TAFA1: variants seen among roughly 807,000 people sequenced by gnomAD.
TAFA1 encodes chemokine-like protein TAFA-1.
In TAFA1, 4 loss-of-function variants were observed where a neutral mutation model predicts 18.5. That is an observed-to-expected ratio of 0.22 (90% CI 0.11 to 0.49). The LOEUF is 0.49. TAFA1 is among the 20% of genes least tolerant of loss of function. The probability of loss-of-function intolerance (pLI) is 0.98; values close to 1 mark genes in which losing one functional copy is unlikely to be tolerated. For synonymous variants in TAFA1, 56 were observed against 55.2 expected, an observed-to-expected ratio of 1.01 and a Z score of -0.06; for missense variants, 147 against 169.0, an observed-to-expected ratio of 0.87 and a Z score of 0.72.
chr3:68,496,019 A>G (rs1343850743), intron 3 of TAFA1, among the ~76,000 whole-genome samples: 1 of 149,078 alleles, frequency 6.7e-6, no homozygotes, highest in East Asian at 2.0e-4. Context: ...AAAAAAAAAA[A>G]AAAAAAAAGA....
chr3:68,134,158 T>G (rs1292547333), intron 2 of TAFA1, among the ~76,000 whole-genome samples: 1 of 151,226 alleles, frequency 6.6e-6, no homozygotes, highest in Admixed American at 6.6e-5. Flanking sequence ...GAATGGCCTG[T>G]GCAAAAGGGA....
intron 2 of TAFA1, among the ~76,000 whole-genome samples, chr3:68,155,958 G>A (rs918770892): frequency 6.6e-6 from 1 of 152,066 alleles, no homozygotes; most frequent in African/African-American, 2.4e-5. Flanking sequence ...CACAACAGCG[G>A]TTGCAGGCAG....
intron 2 of TAFA1, among the ~76,000 whole-genome samples, chr3:68,110,612 C>A (rs963447471): frequency 9.9e-5 from 15 of 151,940 alleles, no homozygotes; most frequent in African/African-American, 3.6e-4. Context: ...GGGTGGAAAC[C>A]AGGAGGCAAG....
intron 2 of TAFA1, among the ~76,000 whole-genome samples, chr3:68,283,657 T>C (rs2067942899): frequency 6.6e-6 from 1 of 152,194 alleles, no homozygotes; most frequent in Non-Finnish European, 1.5e-5. Context: ...AAATTATATC[T>C]ACACAAAAGG....
chr3:68,069,528 A>G (rs1045990216), intron 2 of TAFA1, among the ~76,000 whole-genome samples: 1 of 152,128 alleles, frequency 6.6e-6, no homozygotes, highest in African/African-American at 2.4e-5. Context: ...AAACCGTATC[A>G]TTCCACCCCT....
chr3:68,278,538 T>C (rs2107250503), intron 2 of TAFA1, among the ~76,000 whole-genome samples: 1 of 152,276 alleles, frequency 6.6e-6, no homozygotes, highest in African/African-American at 2.4e-5. Context: ...CCTATGTATT[T>C]GTCTTAAAGC....
At chr3:68,045,087 G>C (rs373935432) in intron 2 of TAFA1, among the ~76,000 whole-genome samples, 6 of 152,104 alleles carry the variant, frequency 3.9e-5, no homozygotes, top group Non-Finnish European at 7.4e-5. Flanking sequence ...TCTTGGCTGG[G>C]AGTTTCTGCT....
chr3:68,476,627 A>T (rs2072101823), intron 3 of TAFA1, among the ~76,000 whole-genome samples: 1 of 152,194 alleles, frequency 6.6e-6, no homozygotes, highest in Non-Finnish European at 1.5e-5. Context: ...TCTATTTCTT[A>T]TTCAATAATT....
At chr3:67,995,596 C>T in the TAFA1 span, among the ~76,000 whole-genome samples, 1 of 152,146 alleles carries the variant, frequency 6.6e-6, no homozygotes, top group African/African-American at 2.4e-5. Flanking sequence ...ACCACATGTT[C>T]TCCATTACAC....
At chr3:68,360,676 CAT>C (rs1262544179) in intron 2 of TAFA1, among the ~76,000 whole-genome samples, 2 of 151,882 alleles carry the variant, frequency 1.3e-5, no homozygotes, top group Non-Finnish European at 2.9e-5. Flanking sequence ...AAGTATGACA[CAT>C]GTTTCTATTT....
At chr3:68,428,668 T>C (rs543801340) in intron 3 of TAFA1, among the ~76,000 whole-genome samples, 26 of 152,062 alleles carry the variant, frequency 1.7e-4, no homozygotes, top group Middle Eastern at 3.4e-3. Context: ...TCCAATAATA[T>C]CTGATATTAC....
At chr3:68,023,550 T>C (rs1704744230) in intron 2 of TAFA1, among the ~76,000 whole-genome samples, 1 of 152,156 alleles carries the variant, frequency 6.6e-6, no homozygotes, top group Non-Finnish European at 1.5e-5. Flanking sequence ...ATTCATGATA[T>C]GGCCACAAAA....
intron 2 of TAFA1, among the ~76,000 whole-genome samples, chr3:68,351,033 C>T (rs1445168820): frequency 2.6e-5 from 4 of 152,090 alleles, no homozygotes; most frequent in Admixed American, 6.6e-5. Flanking sequence ...AGTGGGGCTT[C>T]CCACCTTTGG....
At chr3:68,523,559 C>T (rs2073059894) in intron 3 of TAFA1, among the ~76,000 whole-genome samples, 1 of 152,096 alleles carries the variant, frequency 6.6e-6, no homozygotes, top group East Asian at 1.9e-4. Flanking sequence ...ATTCTTACAT[C>T]AGTGCTTTTA....
intron 2 of TAFA1, among the ~76,000 whole-genome samples, chr3:68,117,287 C>CACATTAA (rs2065335880): frequency 1.3e-5 from 2 of 152,142 alleles, no homozygotes; most frequent in African/African-American, 4.8e-5. Flanking sequence ...TTACGCAAAA[C>CACATTAA]TTCTCAGGAG....
intron 2 of TAFA1, among the ~76,000 whole-genome samples, chr3:68,016,975 A>C (rs911843084): frequency 1.3e-5 from 2 of 152,250 alleles, no homozygotes; most frequent in African/African-American, 4.8e-5. Context: ...GACAGGAATT[A>C]GATATTTCAA....
intron 2 of TAFA1, among the ~76,000 whole-genome samples, chr3:68,405,358 A>G (rs1239176431): frequency 1.3e-5 from 2 of 152,014 alleles, no homozygotes; most frequent in Non-Finnish European, 2.9e-5. Flanking sequence ...GTAGGAGTAG[A>G]CAAGTCAGGC....
chr3:68,065,439 G>A (rs1357572865), intron 2 of TAFA1, among the ~76,000 whole-genome samples: 1 of 152,056 alleles, frequency 6.6e-6, no homozygotes, highest in Non-Finnish European at 1.5e-5. Flanking sequence ...CATTACAAGG[G>A]CACGTAATGA....
intron 2 of TAFA1, among the ~76,000 whole-genome samples, chr3:68,118,116 T>G (rs960492736): frequency 1.4e-4 from 21 of 152,172 alleles, no homozygotes; most frequent in African/African-American, 4.8e-4. Flanking sequence ...ATTATTACAA[T>G]GTAATATATA....
Sources: gnomAD v4.1 joint callset for allele counts (sites outside exome capture counted in the v4.1 genomes callset) on GRCh38, gnomAD v4.1.1 for gene constraint, MANE v1.5 for transcripts, NCBI Gene and HGNC (gene_info 2026-07-23, HGNC 2026-07-21) for gene names.